The following ATP1B3 variants were observed in gnomAD, a reference collection of about 807,000 sequenced individuals.
The protein encoded by ATP1B3 is ATPase Na+/K+ transporting subunit beta 3.
Under a neutral mutation model 30.2 loss-of-function variants are expected in ATP1B3, and 10 were observed. That is an observed-to-expected ratio of 0.33 (90% confidence interval 0.20 to 0.56). ATP1B3 has a LOEUF of 0.56. Among genes scored for constraint, ATP1B3 ranks in the 20% least tolerant of loss-of-function variants. The pLI, the probability that ATP1B3 is intolerant of heterozygous loss-of-function variation, is 0.90. For missense variants in ATP1B3, 238 were observed against 336.7 expected (o/e 0.71, Z 2.29); for synonymous variants, 113 against 117.0 (o/e 0.97, Z 0.22).
chr3:141,891,187 A>G (rs1351812101), intron 1 of ATP1B3, among the ~76,000 whole-genome samples: 1 of 151,986 alleles, frequency 6.6e-6, no homozygotes, highest in Non-Finnish European at 1.5e-5. Flanking sequence ...TGTTTTGTTG[A>G]TCTGTATCTT....
chr3:141,920,627 A>T (rs1934549960), intron 5 of ATP1B3, among the ~76,000 whole-genome samples: 1 of 152,204 alleles, frequency 6.6e-6, no homozygotes. Context: ...GTGTTCTGTG[A>T]AGGTCATATA....
Position 141,903,663 on chromosome 3 carries a change from T to A in ATP1B3, c.153T>A (p.Ala51=). The change falls in exon 2 of 7, where the codon GCT becomes GCA. Residue 51 remains alanine (A), a synonymous_variant. Coordinates refer to ENST00000286371, the MANE Select transcript of ATP1B3 (RefSeq NM_001679.4). ...LFYLVFYGFL[A]ALFSFTMWVM... ...ACCTAGTTTTTTATGGGTTCCTGGC[T>A]GCACTCTTCTCATTCACGATGTGGG... 6.2e-7 allele frequency: 1 copy of A among 1,614,168 alleles called. No homozygotes were observed. Among genetic ancestry groups the A allele is most frequent in the Non-Finnish European group, 8.5e-7 (1 of 1,179,970 alleles).
chr3:141,915,614 G>T (rs1934447555), intron 4 of ATP1B3, among the ~76,000 whole-genome samples: 1 of 152,076 alleles, frequency 6.6e-6, no homozygotes, highest in Non-Finnish European at 1.5e-5. Flanking sequence ...TGCTTCTGCA[G>T]TTCTTATTAT....
chr3:141,920,526 C>CA (rs749751899), intron 5 of ATP1B3, among the ~76,000 whole-genome samples: 12,164 of 147,606 alleles, frequency 0.082, 604 homozygotes, highest in East Asian at 0.14. Context: ...GACTCTGTCT[C>CA]AAAAAAAAGA....
chr3:141,883,228 C>T (rs1423390009), intron 1 of ATP1B3, among the ~76,000 whole-genome samples: 1 of 152,192 alleles, frequency 6.6e-6, no homozygotes, highest in African/African-American at 2.4e-5. Context: ...TGGCTCTTGC[C>T]TGTAATCCCA....
chr3:141,913,928 C>A, intron 4 of ATP1B3, 92 bp downstream of exon 4: 1 of 1,232,166 alleles, frequency 8.1e-7, no homozygotes, highest in Non-Finnish European at 1.1e-6. Context: ...TGGGTTAATG[C>A]CTTCCTTATT....
Position 141,903,711 on chromosome 3 carries a change from T to A in ATP1B3, c.201T>A (p.Asp67Glu). The A allele has an allele frequency of 6.2e-7, 1 of 1,614,102 alleles. No individual in the cohort carries two copies. Residue 67 changes from aspartate (D) to glutamate (E), a missense_variant, in exon 2 of 7, where the codon GAT (aspartate) becomes GAA (glutamate). Coordinates refer to ENST00000286371, the MANE Select transcript of ATP1B3 (RefSeq NM_001679.4). The part of the protein sequence containing the change: ...TMWVMLQTLN[D>E]EVPKYRDQIP... ...GGGTTATGCTTCAGACTCTCAACGA[T>A]GAGGTTCCAAAATACCGTGACCAGA...
At chr3:141,887,588 G>A (rs1457701125) in intron 1 of ATP1B3, among the ~76,000 whole-genome samples, 2 of 152,102 alleles carry the variant, frequency 1.3e-5, no homozygotes, top group East Asian at 1.9e-4. Flanking sequence ...GAAAACATAC[G>A]TTCACAAAAT....
At chr3:141,880,436 G>A (rs1933700548) in intron 1 of ATP1B3, among the ~76,000 whole-genome samples, 1 of 152,144 alleles carries the variant, frequency 6.6e-6, no homozygotes, top group South Asian at 2.1e-4. Flanking sequence ...ATAAATAGTT[G>A]CCATTTATGA....
intron 2 of ATP1B3, among the ~76,000 whole-genome samples, chr3:141,906,160 G>C (rs1011330088): frequency 6.6e-6 from 1 of 151,742 alleles, no homozygotes; most frequent in African/African-American, 2.4e-5. Flanking sequence ...TATGTGCAAG[G>C]TTGAATTAAT....
chr3:141,918,684 T>C (rs6762767), intron 5 of ATP1B3: 132,894 of 152,238 alleles, frequency 0.87, 58,269 homozygotes, highest in African/African-American at 0.96. Context: ...TGATTCGTCT[T>C]CCTCAGCCTC....
At chr3:141,881,667 A>T (rs1052445571) in intron 1 of ATP1B3, among the ~76,000 whole-genome samples, 1 of 152,234 alleles carries the variant, frequency 6.6e-6, no homozygotes, top group Non-Finnish European at 1.5e-5. Flanking sequence ...AATTTTTGCA[A>T]TGAGACCTTG....
chr3:141,921,573 T>G (rs192758331), intron 5 of ATP1B3: 1 of 154,574 alleles, frequency 6.5e-6, no homozygotes, highest in Non-Finnish European at 1.4e-5. Context: ...TGCTTTCCAG[T>G]CTGGAAGCAC....
intron 1 of ATP1B3, among the ~76,000 whole-genome samples, chr3:141,885,847 G>A (rs569921571): frequency 4.6e-5 from 7 of 150,724 alleles, no homozygotes; most frequent in South Asian, 2.1e-4. Flanking sequence ...TCAAATAGAC[G>A]ATTGGCTTTC....
intron 2 of ATP1B3, among the ~76,000 whole-genome samples, chr3:141,905,942 A>C (rs1415334895): frequency 6.6e-6 from 1 of 151,980 alleles, no homozygotes; most frequent in South Asian, 2.1e-4. Flanking sequence ...ACATGCATAC[A>C]CATGTACATA....
At chr3:141,879,211 C>G (rs1042761631) in intron 1 of ATP1B3, among the ~76,000 whole-genome samples, 1 of 152,060 alleles carries the variant, frequency 6.6e-6, no homozygotes. Context: ...ATATTGTGGG[C>G]ATCTTTCCAT....
rs148129073 is a variant in ATP1B3 at position 141,918,999 on chromosome 3, G to A, written c.583-2978G>A. 174 of 152,210 alleles carry A rather than the reference G, an allele frequency of 1.1e-3. 2 individuals are homozygous for A. The highest frequency in any genetic ancestry group is 4.0e-3 in the African/African-American group (167 of 41,512). The allele number at this position is 152,210 out of a possible 1,614,324, so 9.4% of individuals were successfully genotyped here. On this transcript the variant is annotated intron_variant, in intron 5 of 6. Transcript: ENST00000286371. The stretch of plus-strand genomic sequence containing the variant: ...GTGGAAGAAATGTTTGTAAAATTTG[G>A]CATTTATTCCCTAGGCTAGTCACAA...
At position 141,916,475 on chromosome 3, in the gene ATP1B3, AC is replaced by A. The variant is rs1442848260; in HGVS notation, c.582+456del. The A allele has an allele frequency of 5.0e-6, 5 of 995,316 alleles. No individual in the cohort carries two copies. The African/African-American group carries it at 6.7e-5, about 13-fold the overall frequency. 61.7% of individuals were successfully genotyped at this position (995,316 alleles called of 1,614,324 possible). A position where few individuals can be genotyped will look rare whatever the true frequency, so the allele number is the denominator to read the frequency against. On this transcript the variant is annotated intron_variant, in intron 5 of 6. Coordinates refer to ENST00000286371, the MANE Select transcript of ATP1B3 (RefSeq NM_001679.4). ...TTATTTATCTCCCCTATCCCTACTT[AC>A]TTTTTTTTCCAGAATACTGTGCAGT...
rs529923765 is a variant in ATP1B3, at chr3:141,878,747, A to T, written c.109+1837A>T. ...GATTAAGTCAATCTCTTCAAAATCG[A>T]TAAGTATTACTCTTATCAGTAAATT... On this transcript the variant is annotated intron_variant, in intron 1 of 6. Coordinates refer to ENST00000286371, the MANE Select transcript of ATP1B3 (RefSeq NM_001679.4). Among the ~76,000 whole-genome samples, 9 of 152,396 alleles carry T rather than the reference A, an allele frequency of 5.9e-5. No individual in the cohort carries two copies. In the South Asian group the frequency reaches 1.9e-3, roughly 32 times the overall value.
Sources: allele counts gnomAD v4.1 joint callset (sites outside exome capture counted in the v4.1 genomes callset), GRCh38; gene constraint gnomAD v4.1.1; transcripts MANE v1.5; gene names NCBI Gene and HGNC (gene_info 2026-07-23, HGNC 2026-07-21).